CPA6: variants seen among roughly 807,000 people sequenced by gnomAD.
The protein encoded by CPA6 is carboxypeptidase B.
A neutral mutation model predicts 63.3 loss-of-function variants in CPA6; 58 were observed. That is an observed-to-expected ratio of 0.92 (90% CI 0.74 to 1.14). The LOEUF is 1.14. Ranked by LOEUF, CPA6 falls within the 50% of genes most tolerant of loss-of-function variation. CPA6 has a pLI of 0.00. For missense variants in CPA6, 565 were observed against 526.6 expected (o/e 1.07, Z -0.71); for synonymous variants, 185 against 179.0 (o/e 1.03, Z -0.27).
chr8:67,630,312 T>C (rs1563368563), intron 1 of CPA6, among the ~76,000 whole-genome samples: 1 of 151,954 alleles, frequency 6.6e-6, no homozygotes, highest in Non-Finnish European at 1.5e-5. Flanking sequence ...TGGGACCATG[T>C]AGACATGCTG....
chr8:67,575,792 A>T (rs1014472288), intron 2 of CPA6, among the ~76,000 whole-genome samples: 2 of 148,518 alleles, frequency 1.3e-5, no homozygotes, highest in Non-Finnish European at 3.0e-5. Flanking sequence ...CCAGAGGTGG[A>T]GGTTGCAGTG....
At chr8:67,551,234 ATTC>A (rs151280441) in intron 2 of CPA6, among the ~76,000 whole-genome samples, 9,410 of 152,156 alleles carry the variant, frequency 0.062, 625 homozygotes, top group African/African-American at 0.17. Context: ...GTCCAGTTTC[ATTC>A]TTCTGCATAT....
At chr8:67,474,847 C>T (rs1448975173) in intron 8 of CPA6, among the ~76,000 whole-genome samples, 2 of 152,022 alleles carry the variant, frequency 1.3e-5, no homozygotes, top group South Asian at 2.1e-4. Flanking sequence ...GGTATGATGG[C>T]TCACACTGGT....
chr8:67,553,675 A>C (rs1033839656), intron 2 of CPA6, among the ~76,000 whole-genome samples: 2 of 152,208 alleles, frequency 1.3e-5, no homozygotes, highest in African/African-American at 4.8e-5. Context: ...AAGTAACCTA[A>C]TACTTAACTC....
rs568369809 is a variant in CPA6 at position 67,462,828 on chromosome 8, C to A, written c.838+20940G>T. On this transcript the variant is annotated intron_variant, in intron 8 of 10. Coordinates refer to ENST00000297770, the MANE Select transcript of CPA6 (RefSeq NM_020361.5). ...AGAATCTGTTTCCTTGATCTCAATA[C>A]TGCCTGAAGAAACATTCCAAAGTAG... Among the ~76,000 whole-genome samples, 26 of 152,258 alleles carry A rather than the reference C, an allele frequency of 1.7e-4. No individual in the cohort carries two copies. The South Asian group carries it at 5.0e-3, about 29-fold the overall frequency.
intron 2 of CPA6, among the ~76,000 whole-genome samples, chr8:67,583,900 G>A (rs1813845998): frequency 6.6e-6 from 1 of 152,128 alleles, no homozygotes; most frequent in Non-Finnish European, 1.5e-5. Flanking sequence ...GCTTATGCCT[G>A]TAATCCCAGC....
intron 8 of CPA6, among the ~76,000 whole-genome samples, chr8:67,447,625 AT>A (rs1810460361): frequency 6.6e-6 from 1 of 151,928 alleles, no homozygotes; most frequent in African/African-American, 2.4e-5. Context: ...ATTTTCATAG[AT>A]TTTTTGCCAG....
At chr8:67,625,644 A>G (rs73251041) in intron 1 of CPA6, among the ~76,000 whole-genome samples, 1,970 of 152,354 alleles carry the variant, frequency 0.013, 34 homozygotes, top group African/African-American at 0.045. Flanking sequence ...TGAAATATAA[A>G]GGAAAAACTA....
At chr8:67,632,364 G>T (rs1815360905) in intron 1 of CPA6, among the ~76,000 whole-genome samples, 1 of 151,718 alleles carries the variant, frequency 6.6e-6, no homozygotes. Flanking sequence ...AAAGAAATGG[G>T]GTCTTACTAT....
intron 2 of CPA6, among the ~76,000 whole-genome samples, chr8:67,565,606 C>A (rs1472557073): frequency 6.6e-6 from 1 of 152,198 alleles, no homozygotes; most frequent in East Asian, 1.9e-4. Flanking sequence ...AATACCACTT[C>A]TTTCACTTCT....
chr8:67,422,198 A>C lies in CPA6; in HGVS notation c.*306T>G, dbSNP rs1276044487. 2 of 243,124 alleles carry C rather than the reference A, an allele frequency of 8.2e-6. No homozygotes were observed. The highest frequency in any genetic ancestry group is 4.4e-5 in the African/African-American group (2 of 44,984). 15.1% of individuals were successfully genotyped at this position (243,124 alleles called of 1,614,324 possible). The stretch of plus-strand genomic sequence containing the variant: ...TAATTGAGGACATGAGATTTATTGA[A>C]GGGAAATCCTCAATTAATATGAACA... On this transcript the variant is annotated 3_prime_UTR_variant, in exon 11 of 11. Transcript: ENST00000297770.
intron 1 of CPA6, among the ~76,000 whole-genome samples, chr8:67,681,945 G>A (rs1378519958): frequency 6.6e-6 from 1 of 151,850 alleles, no homozygotes; most frequent in Non-Finnish European, 1.5e-5. Flanking sequence ...AGAAAAAATG[G>A]TTTCTGGTAT....
chr8:67,697,615 C>T (rs1178474801), intron 1 of CPA6, among the ~76,000 whole-genome samples: 1 of 152,176 alleles, frequency 6.6e-6, no homozygotes, highest in Non-Finnish European at 1.5e-5. Context: ...CACTCAGTCT[C>T]ATCCACTGTT....
At chr8:67,707,637 G>T (rs1462085855) in intron 1 of CPA6, among the ~76,000 whole-genome samples, 1 of 152,166 alleles carries the variant, frequency 6.6e-6, no homozygotes, top group African/African-American at 2.4e-5. Context: ...GGCTGGGTGT[G>T]GTGGCTCAAG....
chr8:67,430,973 C>T (rs1276935216), intron 9 of CPA6, among the ~76,000 whole-genome samples: 4 of 152,050 alleles, frequency 2.6e-5, no homozygotes, highest in African/African-American at 9.7e-5. Context: ...GCAATCCTCT[C>T]ACCTCTGCCT....
intron 2 of CPA6, among the ~76,000 whole-genome samples, chr8:67,589,128 G>C (rs1814032333): frequency 6.6e-6 from 1 of 150,670 alleles, no homozygotes; most frequent in African/African-American, 2.4e-5. Context: ...AAAAAAAAAA[G>C]ATTGATGTTG....
At chr8:67,656,329 C>G (rs534727623) in intron 1 of CPA6, among the ~76,000 whole-genome samples, 1 of 152,262 alleles carries the variant, frequency 6.6e-6, no homozygotes, top group African/African-American at 2.4e-5. Flanking sequence ...AAAGTAGTTT[C>G]TATTTGAGAC....
At chr8:67,566,422 A>G (rs1354665658) in intron 2 of CPA6, among the ~76,000 whole-genome samples, 1 of 152,206 alleles carries the variant, frequency 6.6e-6, no homozygotes, top group Non-Finnish European at 1.5e-5. Context: ...AATGGAGTGA[A>G]TCTCCAGTCT....
intron 8 of CPA6, among the ~76,000 whole-genome samples, chr8:67,463,894 T>C (rs567926787): frequency 6.6e-6 from 1 of 152,258 alleles, no homozygotes; most frequent in Non-Finnish European, 1.5e-5. Context: ...ATGGTATATA[T>C]GTATCACATT....
Sources: gnomAD v4.1 joint callset for allele counts (sites outside exome capture counted in the v4.1 genomes callset) on GRCh38, gnomAD v4.1.1 for gene constraint, MANE v1.5 for transcripts, NCBI Gene and HGNC (gene_info 2026-07-23, HGNC 2026-07-21) for gene names.